GLI3: variants seen among roughly 807,000 people sequenced by gnomAD.
GLI3 encodes transcription activator GLI3.
A neutral mutation model predicts 100.8 loss-of-function variants in GLI3; 20 were observed. That is an observed-to-expected ratio of 0.20 (90% CI 0.14 to 0.29). The LOEUF is 0.29. GLI3 is among the 10% of genes least tolerant of loss of function. GLI3 has a pLI of 1.00. For synonymous variants in GLI3, 938 were observed against 860.5 expected, an observed-to-expected ratio of 1.09 and a Z score of -1.58; for missense variants, 2,040 against 2,128.5, an observed-to-expected ratio of 0.96 and a Z score of 0.82.
intron 3 of GLI3, among the ~76,000 whole-genome samples, chr7:42,105,281 C>CT (rs1008281437): frequency 6.6e-5 from 10 of 151,510 alleles, no homozygotes; most frequent in African/African-American, 1.9e-4. Flanking sequence ...ATGGCTGCTT[C>CT]TTTTTTTTTC....
At chr7:42,110,021 C>T (rs1433324125) in intron 3 of GLI3, among the ~76,000 whole-genome samples, 6 of 152,140 alleles carry the variant, frequency 3.9e-5, no homozygotes, top group African/African-American at 1.4e-4. Context: ...ATATGCATAT[C>T]TTTCTTATAT....
intron 10 of GLI3, among the ~76,000 whole-genome samples, chr7:42,006,624 G>C (rs1436676401): frequency 1.3e-5 from 2 of 152,154 alleles, no homozygotes; most frequent in Admixed American, 6.5e-5. Context: ...GCTCTGACAA[G>C]GACTACAACT....
At chr7:42,130,909 A>G (rs543716350) in intron 3 of GLI3, among the ~76,000 whole-genome samples, 1 of 152,364 alleles carries the variant, frequency 6.6e-6, no homozygotes, top group South Asian at 2.1e-4. Context: ...ACAAAGGAAT[A>G]CAAATCAAAG....
At chr7:42,119,414 G>A (rs1173737922) in intron 3 of GLI3, among the ~76,000 whole-genome samples, 2 of 152,106 alleles carry the variant, frequency 1.3e-5, no homozygotes, top group Admixed American at 6.5e-5. Flanking sequence ...GCTACACTAA[G>A]AATGTGAAAC....
In GLI3 at chr7:42,172,759, C is replaced by T. The variant is rs866693067; in HGVS notation, c.125-24291G>A. 2.9e-5 allele frequency: 18 copies of T among 630,026 alleles called. No homozygotes were observed. In the Middle Eastern group the frequency reaches 1.5e-3, roughly 53 times the overall value. 39.0% of individuals were successfully genotyped at this position (630,026 alleles called of 1,614,324 possible). ...TGAGTAAAGTTAACACATTTCATTACTTGGCTATTATCACCTTCTATTTAA... is the reference window on the plus strand; with the variant it reads ...TGAGTAAAGTTAACACATTTCATTATTTGGCTATTATCACCTTCTATTTAA... On this transcript the variant is annotated intron_variant, in intron 2 of 14. Coordinates refer to ENST00000395925, the MANE Select transcript of GLI3 (RefSeq NM_000168.6).
At position 42,200,822 on chromosome 7, in the gene GLI3, T is replaced by TTGG. The variant is rs1788023815; in HGVS notation, c.124+22307_124+22308insCCA. ...ACTTTTCAGAAAAAAAAAATAGGCA[T>TTGG]TTATATGTGGATTGGTTAAACCTGA... On this transcript the variant is annotated intron_variant, in intron 2 of 14. Coordinates refer to ENST00000395925, the MANE Select transcript of GLI3 (RefSeq NM_000168.6). Among the ~76,000 whole-genome samples, 3 of 151,704 alleles carry TTGG rather than the reference T, an allele frequency of 2.0e-5. No individual in the cohort carries two copies. The South Asian group carries it at 6.2e-4, about 32-fold the overall frequency.
chr7:42,065,070 T>C (rs1319106273), intron 4 of GLI3, among the ~76,000 whole-genome samples: 2 of 152,112 alleles, frequency 1.3e-5, no homozygotes, highest in African/African-American at 4.8e-5. Flanking sequence ...AGCTTCTGTG[T>C]TAAAAATAAG....
chr7:41,997,186 A>G (rs1788150443), intron 10 of GLI3, among the ~76,000 whole-genome samples: 1 of 152,192 alleles, frequency 6.6e-6, no homozygotes, highest in Non-Finnish European at 1.5e-5. Flanking sequence ...ATGTAAGCCT[A>G]TGGTACCATC....
chr7:42,022,254 G>A (rs781405999), intron 10 of GLI3, among the ~76,000 whole-genome samples: 7 of 152,136 alleles, frequency 4.6e-5, no homozygotes, highest in Non-Finnish European at 1.0e-4. Context: ...GGCAACCTGC[G>A]TGCTTAACAC....
intron 1 of GLI3, among the ~76,000 whole-genome samples, chr7:42,226,996 G>C (rs1204475664): frequency 6.6e-6 from 1 of 152,178 alleles, no homozygotes; most frequent in Non-Finnish European, 1.5e-5. Context: ...CACTAGGACA[G>C]TAGCTCCACG....
rs1554337048 is a variant in GLI3 at position 42,182,664 on chromosome 7, A to ATATACGTGTGTG, written c.125-34197_125-34196insCACACACGTATA. On this transcript the variant is annotated intron_variant, in intron 2 of 14. Coordinates refer to ENST00000395925, the MANE Select transcript of GLI3 (RefSeq NM_000168.6). ...TGTGTGTATATATATATATATATAT[A>ATATACGTGTGTG]TATATATATATATATATACACATGT... Among the ~76,000 whole-genome samples the ATATACGTGTGTG allele has an allele frequency of 7.8e-4, 61 of 78,316 alleles. 1 individual carries two copies. Among genetic ancestry groups the ATATACGTGTGTG allele is most frequent in the Admixed American group, 2.1e-3 (17 of 8,256 alleles). 51.4% of individuals were successfully genotyped at this position (78,316 alleles called of 152,430 possible). A position where few individuals can be genotyped will look rare whatever the true frequency, so the allele number is the denominator to read the frequency against.
chr7:42,052,681 G>GA lies in GLI3; in HGVS notation c.474-3986dup, dbSNP rs201441251. ...TTCTTTTCTTCTGATTCTAAACTCA[G>GA]AAAAAAAAAAGTCCAAATGGCGATT... On this transcript the variant is annotated intron_variant, in intron 4 of 14. Transcript: ENST00000395925. 1.7e-3 allele frequency among the ~76,000 whole-genome samples: 247 copies of GA among 148,938 alleles called. 1 individual carries two copies. The Middle Eastern group carries it at 0.021, about 12-fold the overall frequency.
chr7:42,251,180 C>T (rs934291008), intron 1 of GLI3, among the ~76,000 whole-genome samples: 1 of 152,160 alleles, frequency 6.6e-6, no homozygotes, highest in Non-Finnish European at 1.5e-5. Flanking sequence ...GGTCCAGCCG[C>T]CCCCAACCTT....
chr7:42,094,102 G>A (rs1785286523), intron 3 of GLI3, among the ~76,000 whole-genome samples: 1 of 152,130 alleles, frequency 6.6e-6, no homozygotes, highest in Admixed American at 6.5e-5. Context: ...AGGAGTCACA[G>A]TATTTCCCTC....
intron 3 of GLI3, among the ~76,000 whole-genome samples, chr7:42,082,613 C>G (rs1370913305): frequency 2.0e-5 from 3 of 152,142 alleles, no homozygotes; most frequent in African/African-American, 7.2e-5. Flanking sequence ...AATCTTTTTT[C>G]TGGTCTCACA....
At position 42,061,773 on chromosome 7, in the gene GLI3, T is replaced by C. The variant is rs564406124; in HGVS notation, c.474-13077A>G. On this transcript the variant is annotated intron_variant, in intron 4 of 14. Transcript: ENST00000395925. ...TATATGTAGTGTACTGTAGAGTGTATGTAGTGATGGGGAACAATTTGTCTA... is the reference window on the plus strand; with the variant it reads ...TATATGTAGTGTACTGTAGAGTGTACGTAGTGATGGGGAACAATTTGTCTA... Among the ~76,000 whole-genome samples, 3 of 152,264 alleles carry C rather than the reference T, an allele frequency of 2.0e-5. No homozygotes were observed. The South Asian group carries it at 6.2e-4, about 32-fold the overall frequency.
intron 4 of GLI3, among the ~76,000 whole-genome samples, chr7:42,061,254 A>T (rs935649533): frequency 1.3e-5 from 2 of 152,220 alleles, no homozygotes; most frequent in African/African-American, 4.8e-5. Flanking sequence ...CCAAGAAGAC[A>T]GTAAGGCTAC....
At chr7:42,121,448 C>T (rs1297127810) in intron 3 of GLI3, among the ~76,000 whole-genome samples, 3 of 152,166 alleles carry the variant, frequency 2.0e-5, no homozygotes, top group African/African-American at 7.2e-5. Context: ...TACCTACTGC[C>T]CCTGCCCCCA....
intron 3 of GLI3, among the ~76,000 whole-genome samples, chr7:42,102,243 T>A (rs1785480385): frequency 6.6e-6 from 1 of 152,120 alleles, no homozygotes; most frequent in South Asian, 2.1e-4. Flanking sequence ...TAGTTCTAGA[T>A]CCCTGAGGAA....
Sources: gnomAD v4.1 joint callset for allele counts (sites outside exome capture counted in the v4.1 genomes callset) on GRCh38, gnomAD v4.1.1 for gene constraint, MANE v1.5 for transcripts, NCBI Gene and HGNC (gene_info 2026-07-23, HGNC 2026-07-21) for gene names.